HKDC1: variants seen among roughly 807,000 people sequenced by gnomAD.
The protein encoded by HKDC1 is hexokinase HKDC1.
Under a neutral mutation model 96.6 loss-of-function variants are expected in HKDC1, and 66 were observed. The observed-to-expected ratio is 0.68, with a 90% confidence interval of 0.56 to 0.84. The LOEUF (loss-of-function observed/expected upper bound fraction) is 0.84, where lower values mean the gene tolerates loss of function less well. Among genes scored for constraint, HKDC1 ranks in the 40% least tolerant of loss-of-function variants. The probability of loss-of-function intolerance (pLI) is 0.00; values close to 1 mark genes in which losing one functional copy is unlikely to be tolerated. For missense variants in HKDC1, 1,211 were observed against 1,208.1 expected (o/e 1.00, Z -0.04); for synonymous variants, 466 against 473.1 (o/e 0.98, Z 0.20).
chr10:69,248,569 G>A lies in HKDC1; in HGVS notation c.1411G>A (p.Asp471Asn), dbSNP rs375135631. The A allele has an allele frequency of 8.1e-6, 13 of 1,614,106 alleles. No individual in the cohort carries two copies. Among genetic ancestry groups the A allele is most frequent in the African/African-American group, 6.7e-5 (5 of 75,058 alleles). Residue 471 changes from aspartate (D) to asparagine (N), a missense_variant, in exon 10 of 18, where the codon GAC becomes AAC. By Grantham distance (23) the Asp-to-Asn change is conservative. Coordinates refer to ENST00000354624, the MANE Select transcript of HKDC1 (RefSeq NM_025130.4). ...SRVQAQRKQIDRVLALFQLTR... is the reference protein window; with the variant it reads ...SRVQAQRKQINRVLALFQLTR... The stretch of plus-strand genomic sequence containing the variant: ...CGTGCAGGCCCAGCGGAAGCAGATC[G>A]ACAGGGTGCTGGCTTTGTTCCAGCT...
intron 6 of HKDC1, 24 bp downstream of exon 6, chr10:69,240,775 T>G: frequency 6.3e-7 from 1 of 1,580,880 alleles, no homozygotes; most frequent in Non-Finnish European, 8.7e-7. Context: ...ACTGGTTTTT[T>G]GAGGGTAGGG....
rs367563757 is a variant in HKDC1 at position 69,236,928 on chromosome 10, A to G, written c.496-2114A>G. The stretch of plus-strand genomic sequence containing the variant: ...TAAGTAGTAAAGTTCCAACCACAAG[A>G]AAACTCATTCCTGATAATATTTGAA... On this transcript the variant is annotated intron_variant, in intron 4 of 17. Coordinates refer to ENST00000354624, the MANE Select transcript of HKDC1 (RefSeq NM_025130.4). Among the ~76,000 whole-genome samples the G allele has an allele frequency of 3.3e-5, 5 of 152,226 alleles. No homozygotes were observed. The South Asian group carries it at 1.0e-3, about 31-fold the overall frequency.
chr10:69,247,483 C>T lies in HKDC1; in HGVS notation c.1155C>T (p.Leu385=). ...TCGTCTCCTTCCGCTCGGCCAATCT[C>T]TGTGCAGCAGCTCTGGCGGCCATCC... ...CTIVSFRSAN[L]CAAALAAILT... is the part of the protein sequence containing the mutation. Residue 385 remains leucine, a synonymous_variant, in exon 9 of 18, where the codon CTC becomes CTT. Coordinates refer to ENST00000354624, the MANE Select transcript of HKDC1 (RefSeq NM_025130.4). 1 of 1,614,182 alleles carries T rather than the reference C, an allele frequency of 6.2e-7. No individual in the cohort carries two copies. The highest frequency in any genetic ancestry group is 8.5e-7 in the Non-Finnish European group (1 of 1,180,036).
chr10:69,250,154 G>A, intron 10 of HKDC1, 136 bp from the exon 11 acceptor site: 1 of 955,924 alleles, frequency 1.0e-6, no homozygotes, highest in South Asian at 1.6e-5. Flanking sequence ...GTGCAGGGTG[G>A]CCCCCACGAC....
At chr10:69,260,884 A>G (rs1051616430) in intron 15 of HKDC1, among the ~76,000 whole-genome samples, 22 of 152,202 alleles carry the variant, frequency 1.4e-4, no homozygotes, top group African/African-American at 5.1e-4. Context: ...CTTTGGGGCC[A>G]AGACCAGGGA....
rs752896816 is a variant in HKDC1 at position 69,247,558 on chromosome 10, G to A, written c.1230G>A (p.Val410=). ...AGGTGGAACGGCTCCGGACCACAGT[G>A]GGCATGGACGGCACCCTCTACAAGA... The part of the protein sequence containing the change: ...NKKVERLRTT[V]GMDGTLYKIH... The change falls in exon 9 of 18, where the codon GTG becomes GTA. Residue 410 remains valine, a synonymous_variant. Transcript: ENST00000354624. The A allele has an allele frequency of 2.5e-6, 4 of 1,614,020 alleles. No individual in the cohort carries two copies. Among genetic ancestry groups the A allele is most frequent in the Non-Finnish European group, 3.4e-6 (4 of 1,180,034 alleles).
intron 4 of HKDC1, among the ~76,000 whole-genome samples, chr10:69,238,129 A>G (rs950996011): frequency 1.2e-4 from 19 of 152,246 alleles, no homozygotes; most frequent in African/African-American, 4.6e-4. Flanking sequence ...CTTTATTAAG[A>G]GACGAGGTCT....
chr10:69,234,849 A>G (rs1217603536), intron 4 of HKDC1, among the ~76,000 whole-genome samples: 2 of 152,264 alleles, frequency 1.3e-5, no homozygotes, highest in Non-Finnish European at 2.9e-5. Context: ...CTCACAGTTG[A>G]AAGGTGTCAA....
rs139514075 is a variant in HKDC1 at position 69,248,620 on chromosome 10, C to G, written c.1462C>G (p.Gln488Glu). 6.2e-7 allele frequency: 1 copy of G among 1,614,120 alleles called. No individual in the cohort carries two copies. The highest frequency in any genetic ancestry group is 8.5e-7 in the Non-Finnish European group (1 of 1,180,034). The change falls in exon 10 of 18, where the codon CAG becomes GAG. Residue 488 changes from glutamine (Q) to glutamate (E), a missense_variant. Coordinates refer to ENST00000354624, the MANE Select transcript of HKDC1 (RefSeq NM_025130.4). ...QLTREQLVDV[Q>E]AKMRAELEYG... ...GACCCGAGAGCAGCTCGTGGACGTG[C>G]AGGCCAAGATGCGGGCTGAGCTGGA...
intron 6 of HKDC1, among the ~76,000 whole-genome samples, chr10:69,242,450 A>AAAC (rs3086579): frequency 6.6e-6 from 1 of 150,926 alleles, no homozygotes; most frequent in Non-Finnish European, 1.5e-5. Context: ...AAAAAAAAAA[A>AAAC]CCCGAAAATT....
At position 69,243,378 on chromosome 10, in the gene HKDC1, C is replaced by T. The variant is rs370433888; in HGVS notation, c.875+13C>T. 26 of 1,548,576 alleles carry T rather than the reference C, an allele frequency of 1.7e-5. No individual in the cohort carries two copies. The highest frequency in any genetic ancestry group is 2.3e-5 in the Non-Finnish European group (26 of 1,146,746). ...CAGGAAAGCAACTGTGAGTTCCCTT[C>T]TGGTGTTATCTGGGCATCGGCACCA... is the stretch of plus-strand genomic sequence containing the variant. On this transcript the variant is annotated intron_variant, in intron 7 of 17. Transcript: ENST00000354624.
intron 10 of HKDC1, 50 bp from the exon 11 acceptor site, chr10:69,250,240 C>T (rs776605536): frequency 6.3e-7 from 1 of 1,581,066 alleles, no homozygotes. Context: ...TCCCAATGCC[C>T]CGACACAAGT....
intron 12 of HKDC1, among the ~76,000 whole-genome samples, chr10:69,254,011 G>A (rs1490898442): frequency 6.6e-6 from 1 of 152,196 alleles, no homozygotes; most frequent in African/African-American, 2.4e-5. Flanking sequence ...GATGCACTAA[G>A]ATTTTGTCCA....
chr10:69,250,205 G>C, intron 10 of HKDC1, 85 bp from the exon 11 acceptor site: 1 of 1,479,810 alleles, frequency 6.8e-7, no homozygotes, highest in Non-Finnish European at 9.2e-7. Context: ...CCCTGGGTCC[G>C]CTCTGCTCCG....
chr10:69,248,988 G>T, intron 10 of HKDC1: 2 of 423,890 alleles, frequency 4.7e-6, no homozygotes, highest in Non-Finnish European at 8.4e-6. Context: ...TGTGTGTGTA[G>T]ATGAGAACAT....
intron 1 of HKDC1, chr10:69,225,712 T>A (rs1843144588): frequency 6.6e-6 from 1 of 152,116 alleles, no homozygotes; most frequent in Admixed American, 6.6e-5. Flanking sequence ...GGCTTATGCA[T>A]CCCCGACAGA....
In HKDC1 at chr10:69,258,782, G is replaced by A. The variant is rs527900343; in HGVS notation, c.2039G>A (p.Gly680Asp). 1.2e-6 allele frequency: 2 copies of A among 1,614,094 alleles called. No homozygotes were observed. Among genetic ancestry groups the A allele is most frequent in the East Asian group, 2.2e-5 (1 of 44,874 alleles). ...NCEIGLIAGT[G>D]SNMCYMEDMR... ...CCTTCACAATTCCTTCTAGGAACAG[G>A]CAGCAACATGTGCTACATGGAGGAC... Residue 680 changes from glycine (G) to aspartate (D), a missense_variant, in exon 15 of 18, where the codon GGC becomes GAC. Gly to Asp is a moderately conservative substitution (Grantham distance 94, BLOSUM62 -1). Transcript: ENST00000354624.
intron 4 of HKDC1, among the ~76,000 whole-genome samples, chr10:69,235,850 G>A (rs1564727989): frequency 1.3e-5 from 2 of 152,262 alleles, no homozygotes; most frequent in Admixed American, 6.5e-5. Context: ...ACGTGCCTCC[G>A]GTTTTGACAC....
Position 69,227,234 on chromosome 10 carries a change from C to T in HKDC1, c.91C>T (p.Leu31Phe). 6.2e-7 allele frequency: 1 copy of T among 1,614,148 alleles called. No homozygotes were observed. Among genetic ancestry groups the T allele is most frequent in the Non-Finnish European group, 8.5e-7 (1 of 1,180,016 alleles). ...KVDRFLYHMR[L>F]SDDTLLDIMR... is the part of the protein sequence containing the mutation. ...GGACAGGTTCCTGTATCACATGCGG[C>T]TCTCCGATGACACCCTTTTGGACAT... The change falls in exon 2 of 18, where the codon CTC becomes TTC. Residue 31 changes from leucine to phenylalanine, a missense_variant. Coordinates refer to ENST00000354624, the MANE Select transcript of HKDC1 (RefSeq NM_025130.4).
Sources: allele counts gnomAD v4.1 joint callset (sites outside exome capture counted in the v4.1 genomes callset), GRCh38; gene constraint gnomAD v4.1.1; transcripts MANE v1.5; gene names NCBI Gene and HGNC (gene_info 2026-07-23, HGNC 2026-07-21).